LRFN2: variants seen among roughly 807,000 people sequenced by gnomAD.
LRFN2 encodes leucine rich repeat and fibronectin type III domain containing 2.
LRFN2 carries 18 observed loss-of-function variants against 37.3 expected under a neutral mutation model. The ratio of observed to expected loss-of-function variants is 0.48; its 90% CI spans 0.33 to 0.72. The LOEUF (loss-of-function observed/expected upper bound fraction) is 0.72, where lower values mean the gene tolerates loss of function less well. Ranked by LOEUF, LRFN2 falls within the 30% of genes least tolerant of loss-of-function variation. The probability of loss-of-function intolerance (pLI) is 0.02; values close to 1 mark genes in which losing one functional copy is unlikely to be tolerated. For missense variants in LRFN2, 1,006 were observed against 1,060.7 expected (o/e 0.95, Z 0.72); for synonymous variants, 556 against 466.6 (o/e 1.19, Z -2.47).
At chr6:40,489,245 C>G (rs921657515) in intron 1 of LRFN2, among the ~76,000 whole-genome samples, 14 of 152,150 alleles carry the variant, frequency 9.2e-5, no homozygotes, top group Admixed American at 8.5e-4. Context: ...AACAAAAACA[C>G]GAACAACAGA....
chr6:40,424,563 T>C (rs146954860), intron 2 of LRFN2, among the ~76,000 whole-genome samples: 2 of 151,276 alleles, frequency 1.3e-5, no homozygotes, highest in East Asian at 3.9e-4. Context: ...CTCTTGTAGA[T>C]GTCATGTTTC....
Position 40,510,909 on chromosome 6 carries a change from G to A in LRFN2, c.-19+76032C>T, listed in dbSNP as rs1224166447. On this transcript the variant is annotated intron_variant, in intron 1 of 2. Coordinates refer to ENST00000338305, the MANE Select transcript of LRFN2 (RefSeq NM_020737.3). ...AAGGTGCACAAATCCCTAGGCCAAT[G>A]CTGGAGGGGTGGGGGCACTAGAGAT... Among the ~76,000 whole-genome samples the A allele has an allele frequency of 2.0e-5, 3 of 152,176 alleles. No individual in the cohort carries two copies. In the East Asian group the frequency reaches 5.8e-4, roughly 29 times the overall value.
intron 1 of LRFN2, among the ~76,000 whole-genome samples, chr6:40,565,234 A>C (rs1459226521): frequency 6.6e-6 from 1 of 152,194 alleles, no homozygotes; most frequent in African/African-American, 2.4e-5. Flanking sequence ...GAAATAAAAG[A>C]GGATACAAAC....
chr6:40,539,389 T>G (rs2113914996), intron 1 of LRFN2, among the ~76,000 whole-genome samples: 1 of 152,246 alleles, frequency 6.6e-6, no homozygotes, highest in Middle Eastern at 3.4e-3. Context: ...GCCAATACTG[T>G]TTGGAGAATA....
intron 1 of LRFN2, among the ~76,000 whole-genome samples, chr6:40,489,870 C>T (rs1323457980): frequency 6.6e-6 from 1 of 152,194 alleles, no homozygotes; most frequent in African/African-American, 2.4e-5. Flanking sequence ...CGCTGCTGCA[C>T]TCCGTAGGCA....
Position 40,416,304 on chromosome 6 carries a change from C to T in LRFN2, c.1400+15410G>A, listed in dbSNP as rs191302949. ...GATTACAGGCGTGAGCCACCATGTC[C>T]GGCCAATGAGGTGTAACATTTTAGC... On this transcript the variant is annotated intron_variant, in intron 2 of 2. Coordinates refer to ENST00000338305, the MANE Select transcript of LRFN2 (RefSeq NM_020737.3). Among the ~76,000 whole-genome samples, 459 of 152,274 alleles carry T rather than the reference C, an allele frequency of 3.0e-3. 2 individuals are homozygous for T. The highest frequency in any genetic ancestry group is 0.016 in the East Asian group (85 of 5,160).
intron 1 of LRFN2, among the ~76,000 whole-genome samples, chr6:40,500,325 G>C (rs928920564): frequency 6.6e-6 from 1 of 152,264 alleles, no homozygotes; most frequent in Non-Finnish European, 1.5e-5. Flanking sequence ...CACAGGGGAC[G>C]TGGAGGGTGA....
intron 1 of LRFN2, among the ~76,000 whole-genome samples, chr6:40,515,736 A>T (rs575170793): frequency 8.8e-4 from 134 of 151,888 alleles, no homozygotes; most frequent in African/African-American, 3.0e-3. Flanking sequence ...TAAAAAATAT[A>T]AAAAAAATTA....
intron 1 of LRFN2, among the ~76,000 whole-genome samples, chr6:40,433,939 C>T (rs563562286): frequency 3.7e-4 from 57 of 152,214 alleles, no homozygotes; most frequent in Admixed American, 6.5e-4. Context: ...TATACACAGA[C>T]GAGGATTGAT....
chr6:40,535,426 G>C (rs1381197794), intron 1 of LRFN2, among the ~76,000 whole-genome samples: 1 of 152,214 alleles, frequency 6.6e-6, no homozygotes, highest in Non-Finnish European at 1.5e-5. Context: ...ATTCCAAAGA[G>C]AAGGGAAGGG....
intron 1 of LRFN2, among the ~76,000 whole-genome samples, chr6:40,514,376 G>A (rs951657385): frequency 6.6e-6 from 1 of 152,072 alleles, no homozygotes; most frequent in Non-Finnish European, 1.5e-5. Context: ...ATGCAGTAGT[G>A]CAATCTCAGC....
intron 1 of LRFN2, among the ~76,000 whole-genome samples, chr6:40,460,799 A>C (rs1324302506): frequency 6.6e-6 from 1 of 152,134 alleles, no homozygotes; most frequent in African/African-American, 2.4e-5. Context: ...CTGCTTGAGG[A>C]CAGCACTGAT....
At chr6:40,462,879 T>C (rs1764376274) in intron 1 of LRFN2, among the ~76,000 whole-genome samples, 2 of 152,192 alleles carry the variant, frequency 1.3e-5, no homozygotes. Context: ...AATAGAATTG[T>C]GGTTGGGGAG....
chr6:40,397,301 C>T (rs1224479516), intron 2 of LRFN2, among the ~76,000 whole-genome samples: 2 of 152,218 alleles, frequency 1.3e-5, no homozygotes, highest in Non-Finnish European at 2.9e-5. Flanking sequence ...ACCTTCTGAA[C>T]ACCCTCTGCC....
At chr6:40,475,578 T>C (rs1764691865) in intron 1 of LRFN2, among the ~76,000 whole-genome samples, 1 of 152,136 alleles carries the variant, frequency 6.6e-6, no homozygotes, top group Non-Finnish European at 1.5e-5. Flanking sequence ...TGGAAAGATA[T>C]GTTATGATGT....
chr6:40,405,744 T>C (rs9471337), intron 2 of LRFN2, among the ~76,000 whole-genome samples: 8,599 of 152,186 alleles, frequency 0.057, 761 homozygotes, highest in African/African-American at 0.19. Context: ...CATGAAACTA[T>C]TGTTCAGAGT....
chr6:40,548,779 G>C (rs1425174551), intron 1 of LRFN2, among the ~76,000 whole-genome samples: 1 of 152,180 alleles, frequency 6.6e-6, no homozygotes, highest in Non-Finnish European at 1.5e-5. Flanking sequence ...TCTGCCCTAT[G>C]AACATGCAGC....
intron 1 of LRFN2, among the ~76,000 whole-genome samples, chr6:40,520,527 T>C (rs745455615): frequency 1.7e-4 from 26 of 152,194 alleles, no homozygotes; most frequent in Non-Finnish European, 3.2e-4. Flanking sequence ...CATCCAGCCA[T>C]CTGTCCAGCA....
chr6:40,441,330 T>C (rs1763830458), intron 1 of LRFN2, among the ~76,000 whole-genome samples: 1 of 152,028 alleles, frequency 6.6e-6, no homozygotes, highest in African/African-American at 2.4e-5. Context: ...GAGAGGTGTG[T>C]GTGTGAGGAA....
Sources: allele counts gnomAD v4.1 joint callset (sites outside exome capture counted in the v4.1 genomes callset), GRCh38; gene constraint gnomAD v4.1.1; transcripts MANE v1.5; gene names NCBI Gene and HGNC (gene_info 2026-07-23, HGNC 2026-07-21).